Variants in TBC1D16 observed in about 807,000 individuals in gnomAD.
TBC1D16 encodes the protein TBC1 domain family member 16.
A neutral mutation model predicts 74.7 loss-of-function variants in TBC1D16; 58 were observed. The ratio of observed to expected loss-of-function variants is 0.78; its 90% CI spans 0.63 to 0.97. The LOEUF is 0.97. TBC1D16 is among the 50% of genes least tolerant of loss of function. TBC1D16 has a pLI of 0.00. For synonymous variants in TBC1D16, 493 were observed against 474.7 expected (o/e 1.04, Z -0.50); for missense variants, 1,014 against 1,079.5 (o/e 0.94, Z 0.85).
Position 80,013,449 on chromosome 17 carries a change from C to G in TBC1D16, c.99G>C (p.Leu33=). The change falls in exon 2 of 12, where the codon CTG becomes CTC. Residue 33 remains leucine (L), a synonymous_variant. Coordinates refer to ENST00000310924, the MANE Select transcript of TBC1D16 (RefSeq NM_019020.4). ...GGSGSGSPSV[L]DGEIIYSKNN... is the part of the protein sequence containing the mutation. ...TCTTGGAGTAGATGATCTCTCCATC[C>G]AGGACAGAGGGGGACCCGCTGCCGC... The G allele has an allele frequency of 6.2e-7, 1 of 1,603,916 alleles. No individual in the cohort carries two copies.
chr17:80,023,508 A>G (rs2036359075), intron 1 of TBC1D16, among the ~76,000 whole-genome samples: 1 of 149,970 alleles, frequency 6.7e-6, no homozygotes, highest in Admixed American at 6.6e-5. Context: ...TCTTCCCCGA[A>G]TCTCAATCCT....
chr17:79,941,755 C>T lies in TBC1D16; in HGVS notation c.2055+305G>A, dbSNP rs1024252730. 6.6e-6 allele frequency among the ~76,000 whole-genome samples: 1 copy of T among 152,190 alleles called. No individual in the cohort carries two copies. Among genetic ancestry groups the T allele is most frequent in the Non-Finnish European group, 1.5e-5 (1 of 68,032 alleles). On this transcript the variant is annotated intron_variant, in intron 11 of 11. Coordinates refer to ENST00000310924, the MANE Select transcript of TBC1D16 (RefSeq NM_019020.4). The surrounding 1 kb of genome is among the most constrained non-coding windows in gnomAD (Gnocchi z 4.3). ...AGGTACCCCAGGGTAGGGAACCTGT[C>T]CTGTCCGTCAGCCCCGGTGAATTCG...
In TBC1D16 at chr17:79,956,331, G is replaced by A. The variant is rs889078602; in HGVS notation, c.780-3513C>T. Among the ~76,000 whole-genome samples the A allele has an allele frequency of 2.6e-5, 4 of 152,178 alleles. No homozygotes were observed. Among genetic ancestry groups the A allele is most frequent in the African/African-American group, 4.8e-5 (2 of 41,440 alleles). On this transcript the variant is annotated intron_variant, in intron 3 of 11. Coordinates refer to ENST00000310924, the MANE Select transcript of TBC1D16 (RefSeq NM_019020.4). This position sits in a 1 kb window ranked among gnomAD's most constrained non-coding sequence, Gnocchi z 4.0. The stretch of plus-strand genomic sequence containing the variant: ...TGCGGTGGTGCAAACACAACTCACC[G>A]CAGCCTCAGCCTCCGGGGCTCAAGC...
chr17:79,998,981 C>A (rs888474358), intron 3 of TBC1D16, among the ~76,000 whole-genome samples: 1 of 152,082 alleles, frequency 6.6e-6, no homozygotes, highest in Non-Finnish European at 1.5e-5. Context: ...TGGGGCTGGG[C>A]GCGGTGGCTC....
chr17:80,020,593 T>C (rs564038138), intron 1 of TBC1D16, among the ~76,000 whole-genome samples: 75 of 149,162 alleles, frequency 5.0e-4, no homozygotes, highest in Non-Finnish European at 2.9e-5. Flanking sequence ...TCAAAACAAA[T>C]AAATAAATAA....
At position 79,980,774 on chromosome 17, in the gene TBC1D16, G is replaced by T. The variant is rs147446109; in HGVS notation, c.780-27956C>A. ...GACGTAACGTGCAGGACTGACTGGT[G>T]CTTCCCAAAAATCTTCTCGGACTCA... On this transcript the variant is annotated intron_variant, in intron 3 of 11. Transcript: ENST00000310924. This position sits in a 1 kb window ranked among gnomAD's most constrained non-coding sequence, Gnocchi z 7.0. 6.6e-6 allele frequency among the ~76,000 whole-genome samples: 1 copy of T among 152,224 alleles called. No individual in the cohort carries two copies. The highest frequency in any genetic ancestry group is 1.5e-5 in the Non-Finnish European group (1 of 68,046).
intron 8 of TBC1D16, among the ~76,000 whole-genome samples, chr17:79,948,294 C>T (rs1339857473): frequency 1.5e-5 from 2 of 135,348 alleles, no homozygotes; most frequent in African/African-American, 2.8e-5. Context: ...GTCTGGATGA[C>T]AGAGCGAGAC....
chr17:79,962,836 C>T (rs187973792), intron 3 of TBC1D16, among the ~76,000 whole-genome samples: 5 of 151,704 alleles, frequency 3.3e-5, no homozygotes, highest in Admixed American at 1.3e-4. Flanking sequence ...CCGAGGTGGG[C>T]GGATCACCTG....
intron 1 of TBC1D16, among the ~76,000 whole-genome samples, chr17:80,034,763 A>C (rs11657494): frequency 6.6e-6 from 1 of 152,192 alleles, no homozygotes; most frequent in African/African-American, 2.4e-5. Context: ...ATGGATTTGA[A>C]AAAGTGTTCT....
chr17:80,005,470 TG>T (rs1438141674), intron 3 of TBC1D16, among the ~76,000 whole-genome samples: 2 of 152,162 alleles, frequency 1.3e-5, no homozygotes, highest in African/African-American at 2.4e-5. Context: ...TCGCGCTTGG[TG>T]GTCACCCTCC....
intron 7 of TBC1D16, among the ~76,000 whole-genome samples, chr17:79,949,323 C>T (rs528104617): frequency 4.1e-4 from 62 of 152,356 alleles, no homozygotes; most frequent in African/African-American, 1.4e-3. Flanking sequence ...GGGCTTCACC[C>T]AGTCCCAGCC....
chr17:79,972,743 C>T (rs536334590), intron 3 of TBC1D16, among the ~76,000 whole-genome samples: 1 of 152,188 alleles, frequency 6.6e-6, no homozygotes, highest in East Asian at 1.9e-4. Context: ...GTGATGGCTG[C>T]ATAACAATGT....
rs2034901806 is a variant in TBC1D16, at chr17:79,987,857, C to T, written c.779+22303G>A. Among the ~76,000 whole-genome samples, 1 of 142,918 alleles carries T rather than the reference C, an allele frequency of 7.0e-6. No homozygotes were observed. The highest frequency in any genetic ancestry group is 1.5e-5 in the Non-Finnish European group (1 of 66,258). The allele number at this position is 142,918 out of a possible 152,430, so 93.8% of individuals were successfully genotyped here. On this transcript the variant is annotated intron_variant, in intron 3 of 11. Coordinates refer to ENST00000310924, the MANE Select transcript of TBC1D16 (RefSeq NM_019020.4). This position sits in a 1 kb window ranked among gnomAD's most constrained non-coding sequence, Gnocchi z 5.2. Reference sequence around the variant, plus strand: ...CCCATCCTGAAGCTTTTAAAGCAGACAAACACATGAGTGCTGGGTGGGGGC... The same window carrying T: ...CCCATCCTGAAGCTTTTAAAGCAGATAAACACATGAGTGCTGGGTGGGGGC...
Position 79,939,932 on chromosome 17 carries a change from A to G in TBC1D16, c.*927T>C, listed in dbSNP as rs933553334. On this transcript the variant is annotated 3_prime_UTR_variant, in exon 12 of 12. Transcript: ENST00000310924. Reference sequence around the variant, plus strand: ...CTACCACGTCCCTGGGACAAAGCAGATCATTGTCAGAGGATCTTGCAAACA... The same window carrying G: ...CTACCACGTCCCTGGGACAAAGCAGGTCATTGTCAGAGGATCTTGCAAACA... 1 of 152,146 alleles carries G rather than the reference A, an allele frequency of 6.6e-6. No homozygotes were observed. The highest frequency in any genetic ancestry group is 1.9e-4 in the East Asian group (1 of 5,188). The allele number at this position is 152,146 out of a possible 1,614,324, so 9.4% of individuals were successfully genotyped here. A position where few individuals can be genotyped will look rare whatever the true frequency, so the allele number is the denominator to read the frequency against.
At position 80,010,446 on chromosome 17, in the gene TBC1D16, C is replaced by A. The variant is rs755998869; in HGVS notation, c.493G>T (p.Ala165Ser). 2 of 1,609,182 alleles carry A rather than the reference C, an allele frequency of 1.2e-6. No homozygotes were observed. The highest frequency in any genetic ancestry group is 8.5e-7 in the Non-Finnish European group (1 of 1,178,064). The change falls in exon 3 of 12, where the codon GCG (alanine) becomes TCG (serine). Residue 165 changes from alanine to serine, a missense_variant. Physicochemically the swap from Ala to Ser is moderately conservative, Grantham distance 99. Transcript: ENST00000310924. This position sits in a 1 kb window ranked among gnomAD's most constrained non-coding sequence, Gnocchi z 8.8. ...SPAPEDEEKLAQGLGVDGAQP... is the reference protein window; with the variant it reads ...SPAPEDEEKLSQGLGVDGAQP... ...GCACCATCCACCCCCAAGCCCTGCG[C>A]CAGCTTCTCCTCATCCTCTGGCGCA...
intron 11 of TBC1D16, 43 bp downstream of exon 11, chr17:79,942,017 T>C: frequency 1.2e-6 from 1 of 817,744 alleles, no homozygotes; most frequent in Non-Finnish European, 1.5e-6. Context: ...GGTGGGGCTT[T>C]GGGGGCGGGG....
In TBC1D16 at chr17:79,950,833, C is replaced by T. The variant is rs2032999715; in HGVS notation, c.1090-255G>A. The T allele has an allele frequency of 4.6e-6, 7 of 1,529,040 alleles. No individual in the cohort carries two copies. The Admixed American group carries it at 1.2e-4, about 26-fold the overall frequency. The allele number at this position is 1,529,040 out of a possible 1,614,324, so 94.7% of individuals were successfully genotyped here. On this transcript the variant is annotated intron_variant, in intron 5 of 11. Coordinates refer to ENST00000310924, the MANE Select transcript of TBC1D16 (RefSeq NM_019020.4). The surrounding 1 kb of genome is among the most constrained non-coding windows in gnomAD (Gnocchi z 4.6). ...TGCCGCCGCCCCCCACTCTCTCCAA[C>T]CCCAGCCGCAAAAACGGAATGAATG...
chr17:80,030,227 T>A (rs1160547038), intron 1 of TBC1D16, among the ~76,000 whole-genome samples: 2 of 152,108 alleles, frequency 1.3e-5, no homozygotes, highest in African/African-American at 4.8e-5. Context: ...CCGAGGACAC[T>A]GTAAGGAGCT....
intron 8 of TBC1D16, 77 bp downstream of exon 8, chr17:79,948,795 C>A: frequency 6.3e-7 from 1 of 1,587,802 alleles, no homozygotes. Context: ...TCGCTGGGGG[C>A]TCATCCACTT....
Sources: gnomAD v4.1 joint callset for allele counts (sites outside exome capture counted in the v4.1 genomes callset) on GRCh38, gnomAD v4.1.1 for gene constraint, Gnocchi (gnomAD v3.1) non-coding constraint, MANE v1.5 for transcripts, NCBI Gene and HGNC (gene_info 2026-07-23, HGNC 2026-07-21) for gene names.